Variants in TSHZ2 observed in about 807,000 individuals in gnomAD.
The protein encoded by TSHZ2 is teashirt homolog 2.
Under a neutral mutation model 74.4 loss-of-function variants are expected in TSHZ2, and 21 were observed. The observed-to-expected ratio is 0.28, with a 90% CI of 0.20 to 0.41. The LOEUF is 0.41. TSHZ2 is among the 10% of genes least tolerant of loss of function. The pLI is 1.00. For missense variants in TSHZ2, 1,244 were observed against 1,293.5 expected (o/e 0.96, Z 0.59); for synonymous variants, 540 against 515.3 (o/e 1.05, Z -0.65).
chr20:53,454,720 G>C (rs979318832), intron 2 of TSHZ2, among the ~76,000 whole-genome samples: 1 of 151,952 alleles, frequency 6.6e-6, no homozygotes, highest in Non-Finnish European at 1.5e-5. Context: ...CCTCCCAATT[G>C]TCCCATAGAA....
At chr20:53,303,248 C>T (rs564717590) in intron 2 of TSHZ2, among the ~76,000 whole-genome samples, 113 of 152,264 alleles carry the variant, frequency 7.4e-4, no homozygotes, top group Admixed American at 1.4e-3. Flanking sequence ...ATGAGTTCTG[C>T]GCCCTCTTTG....
chr20:53,198,994 C>A (rs1462823626), intron 1 of TSHZ2, among the ~76,000 whole-genome samples: 2 of 152,188 alleles, frequency 1.3e-5, no homozygotes, highest in Non-Finnish European at 2.9e-5. Context: ...CACACTTCCT[C>A]AGATCACTAT....
chr20:53,321,911 T>C (rs1638824419), intron 2 of TSHZ2, among the ~76,000 whole-genome samples: 1 of 152,106 alleles, frequency 6.6e-6, no homozygotes. Context: ...CCCTGTGAGC[T>C]GGATCTGGTG....
chr20:53,180,082 G>T (rs1255555057), intron 1 of TSHZ2, among the ~76,000 whole-genome samples: 1 of 152,182 alleles, frequency 6.6e-6, no homozygotes, highest in East Asian at 1.9e-4. Flanking sequence ...ATTGGAGGAG[G>T]TTCATGTGGC....
At chr20:53,235,592 A>G (rs950551648) in intron 1 of TSHZ2, among the ~76,000 whole-genome samples, 2 of 152,186 alleles carry the variant, frequency 1.3e-5, no homozygotes, top group Admixed American at 1.3e-4. Flanking sequence ...TATTTCCAAA[A>G]TAAAATGTAT....
At chr20:53,359,805 C>T (rs1428041912) in intron 2 of TSHZ2, among the ~76,000 whole-genome samples, 2 of 152,132 alleles carry the variant, frequency 1.3e-5, no homozygotes, top group Non-Finnish European at 2.9e-5. Flanking sequence ...TGGAGGGCTT[C>T]GAGCCAGGCT....
intron 2 of TSHZ2, among the ~76,000 whole-genome samples, chr20:53,438,247 C>G (rs2145749567): frequency 6.6e-6 from 1 of 151,762 alleles, no homozygotes; most frequent in East Asian, 1.9e-4. Context: ...GTAGCTGGGA[C>G]TACAGATGCC....
chr20:53,047,326 G>A (rs1984263351), intron 1 of TSHZ2, among the ~76,000 whole-genome samples: 1 of 152,110 alleles, frequency 6.6e-6, no homozygotes, highest in Non-Finnish European at 1.5e-5. Context: ...ACACTTCTTG[G>A]TGTTGGGATC....
chr20:53,370,595 T>A (rs1981431841), intron 2 of TSHZ2, among the ~76,000 whole-genome samples: 1 of 151,848 alleles, frequency 6.6e-6, no homozygotes, highest in Non-Finnish European at 1.5e-5. Context: ...ACCCCATCTC[T>A]ACAAAAAAAT....
chr20:53,118,954 G>A (rs148283655), intron 1 of TSHZ2, among the ~76,000 whole-genome samples: 7 of 152,198 alleles, frequency 4.6e-5, no homozygotes, highest in African/African-American at 7.2e-5. Context: ...AAGTGGGAGC[G>A]AGAGGGAGAG....
chr20:53,426,600 A>G (rs1309238978), intron 2 of TSHZ2, among the ~76,000 whole-genome samples: 2 of 152,172 alleles, frequency 1.3e-5, no homozygotes, highest in Non-Finnish European at 2.9e-5. Context: ...ACAAAGATAA[A>G]TGATGATTTT....
intron 1 of TSHZ2, among the ~76,000 whole-genome samples, chr20:53,222,127 C>A (rs972937268): frequency 1.3e-5 from 2 of 152,272 alleles, no homozygotes; most frequent in East Asian, 3.9e-4. Flanking sequence ...AGAGACCATT[C>A]TTTTTCCTAT....
intron 1 of TSHZ2, among the ~76,000 whole-genome samples, chr20:53,131,582 C>G (rs919923149): frequency 2.0e-5 from 3 of 152,232 alleles, no homozygotes; most frequent in East Asian, 3.8e-4. Context: ...ACGCCTCCTG[C>G]GTGTTGGTGC....
intron 2 of TSHZ2, among the ~76,000 whole-genome samples, chr20:53,459,712 T>C (rs891843293): frequency 4.2e-5 from 6 of 141,596 alleles, no homozygotes; most frequent in African/African-American, 1.1e-4. Flanking sequence ...TTCTTTTCCA[T>C]GTTTAGCGCT....
In TSHZ2 at chr20:53,469,694, AAGAAAGATAG is replaced by A. The variant is rs1159903303; in HGVS notation, c.*9-17442_*9-17433del. 5.2e-5 allele frequency among the ~76,000 whole-genome samples: 5 copies of A among 96,310 alleles called. 1 individual carries two copies. Among genetic ancestry groups the A allele is most frequent in the Non-Finnish European group, 1.0e-4 (5 of 48,352 alleles). The allele number at this position is 96,310 out of a possible 152,430, so 63.2% of individuals were successfully genotyped here. ...GAAGGAAGGAAGGAAGGACGGACCCAAGAAAGATAGAGAAAGAGAGAGGGAGGAAGGGAGG... is the reference window on the plus strand; with the variant it reads ...GAAGGAAGGAAGGAAGGACGGACCCAAGAAAGAGAGAGGGAGGAAGGGAGG... On this transcript the variant is annotated intron_variant, in intron 2 of 2. Coordinates refer to ENST00000371497, the MANE Select transcript of TSHZ2 (RefSeq NM_173485.6).
intron 2 of TSHZ2, among the ~76,000 whole-genome samples, chr20:53,388,617 G>A (rs1418614015): frequency 7.2e-6 from 1 of 138,880 alleles, no homozygotes; most frequent in Non-Finnish European, 1.5e-5. Flanking sequence ...TTCTTGAGAT[G>A]GAGTCTTGCT....
chr20:53,034,082 G>A (rs1427336823), intron 1 of TSHZ2, among the ~76,000 whole-genome samples: 1 of 152,156 alleles, frequency 6.6e-6, no homozygotes. Flanking sequence ...ATGAATCAAT[G>A]AGTAAATGAC....
At chr20:53,304,652 A>T (rs988394067) in intron 2 of TSHZ2, among the ~76,000 whole-genome samples, 7 of 141,868 alleles carry the variant, frequency 4.9e-5, no homozygotes, top group African/African-American at 1.6e-4. Context: ...TGTTTGTTTG[A>T]GACACAGTCT....
intron 1 of TSHZ2, among the ~76,000 whole-genome samples, chr20:53,141,079 C>T (rs1987388980): frequency 6.6e-6 from 1 of 152,118 alleles, no homozygotes; most frequent in African/African-American, 2.4e-5. Context: ...GTGTTTGAGA[C>T]CATCAGAAGC....
Sources: gnomAD v4.1 joint callset for allele counts (sites outside exome capture counted in the v4.1 genomes callset) on GRCh38, gnomAD v4.1.1 for gene constraint, MANE v1.5 for transcripts, NCBI Gene and HGNC (gene_info 2026-07-23, HGNC 2026-07-21) for gene names.